Variants in ARHGEF26 observed in about 807,000 individuals in gnomAD.
ARHGEF26 encodes the protein Rho guanine nucleotide exchange factor (GEF) 26.
Under a neutral mutation model 89.4 loss-of-function variants are expected in ARHGEF26, and 59 were observed. The ratio of observed to expected loss-of-function variants is 0.66; its 90% CI spans 0.54 to 0.82. ARHGEF26 has a LOEUF of 0.82. ARHGEF26 is among the 40% of genes least tolerant of loss of function. The probability of loss-of-function intolerance (pLI) is 0.00; values close to 1 mark genes in which losing one functional copy is unlikely to be tolerated. For missense variants in ARHGEF26, 1,234 were observed against 1,085.6 expected (o/e 1.14, Z -1.92); for synonymous variants, 500 against 428.4 (o/e 1.17, Z -2.06).
At chr3:154,143,218 C>T (rs1719491564) in intron 4 of ARHGEF26, among the ~76,000 whole-genome samples, 1 of 152,176 alleles carries the variant, frequency 6.6e-6, no homozygotes. Context: ...TCTTTCTATT[C>T]AATCACTATT....
intron 12 of ARHGEF26, among the ~76,000 whole-genome samples, chr3:154,243,658 A>G (rs1008380149): frequency 6.6e-6 from 1 of 152,190 alleles, no homozygotes; most frequent in African/African-American, 2.4e-5. Context: ...TATTTAATTA[A>G]TAGCAAGAGA....
chr3:154,187,644 A>G (rs1277661163), intron 6 of ARHGEF26, 41 bp from the exon 7 acceptor site: 1 of 1,535,280 alleles, frequency 6.5e-7, no homozygotes, highest in Non-Finnish European at 8.8e-7. Context: ...GTTAGAGTGT[A>G]TGAAAGAAGT....
Position 154,122,454 on chromosome 3 carries a change from C to T in ARHGEF26, c.462C>T (p.Ala154=), listed in dbSNP as rs762141939. ...CCCCGCGGACTCCTAACGCGCCCGC[C>T]CCCTGCACCCCCGAGGAGGACCTTA... ...LRPPRTPNAP[A]PCTPEEDLTG... Residue 154 remains alanine, a synonymous_variant, in exon 2 of 15, where the codon GCC becomes GCT. Coordinates refer to ENST00000465093, the MANE Select transcript of ARHGEF26 (RefSeq NM_015595.4). 3.1e-6 allele frequency: 5 copies of T among 1,612,152 alleles called. No homozygotes were observed. The highest frequency in any genetic ancestry group is 2.2e-5 in the South Asian group (2 of 91,030).
chr3:154,131,480 T>C (rs532954215), intron 4 of ARHGEF26, among the ~76,000 whole-genome samples: 1 of 152,368 alleles, frequency 6.6e-6, no homozygotes, highest in Non-Finnish European at 1.5e-5. Flanking sequence ...TTAGCAGCCT[T>C]ATACCCTAAT....
chr3:154,232,272 G>A (rs1261438531), intron 11 of ARHGEF26, among the ~76,000 whole-genome samples: 1 of 152,140 alleles, frequency 6.6e-6, no homozygotes, highest in Non-Finnish European at 1.5e-5. Context: ...GGGCTTCCTG[G>A]CCCTTTTCTG....
chr3:154,168,147 G>T (rs1712164846), intron 6 of ARHGEF26, among the ~76,000 whole-genome samples: 1 of 152,134 alleles, frequency 6.6e-6, no homozygotes, highest in East Asian at 1.9e-4. Flanking sequence ...ATCCCATTCT[G>T]TAATTTACAG....
intron 6 of ARHGEF26, among the ~76,000 whole-genome samples, chr3:154,172,999 A>G (rs1384968813): frequency 6.6e-6 from 1 of 152,214 alleles, no homozygotes; most frequent in Admixed American, 6.5e-5. Flanking sequence ...CAATTTTCAC[A>G]TATGTCGTAG....
At chr3:154,244,968 G>A (rs1417563038) in intron 12 of ARHGEF26, among the ~76,000 whole-genome samples, 1 of 152,084 alleles carries the variant, frequency 6.6e-6, no homozygotes, top group East Asian at 1.9e-4. Context: ...GAAGTCAGTC[G>A]CTATTAACTG....
At chr3:154,137,858 T>C (rs2108067253) in intron 4 of ARHGEF26, among the ~76,000 whole-genome samples, 1 of 151,934 alleles carries the variant, frequency 6.6e-6, no homozygotes, top group East Asian at 1.9e-4. Context: ...ATTGGGACAT[T>C]TCAGATTAGA....
rs765989972 is a variant in ARHGEF26 at position 154,194,701 on chromosome 3, T to G, written c.1828T>G (p.Leu610Val). 218 of 1,612,434 alleles carry G rather than the reference T, an allele frequency of 1.4e-4. No individual in the cohort carries two copies. The highest frequency in any genetic ancestry group is 1.8e-4 in the Non-Finnish European group (215 of 1,179,334). ...GAAGTATGAAGTCTGCAAAAGAGCC[T>G]TGAAGGAAGTTAGCAAGGTAACTGT... Reference protein sequence around the residue: ...SPKYEVCKRALKEVSKLVRLC... With the variant: ...SPKYEVCKRAVKEVSKLVRLC... Residue 610 changes from leucine (L) to valine (V), a missense_variant, in exon 9 of 15, where the codon TTG becomes GTG. Leu to Val is a conservative substitution (Grantham distance 32). Transcript: ENST00000465093.
chr3:154,176,608 T>C (rs1223801586), intron 6 of ARHGEF26, among the ~76,000 whole-genome samples: 2 of 152,088 alleles, frequency 1.3e-5, no homozygotes, highest in African/African-American at 4.8e-5. Flanking sequence ...AGGCATAAAG[T>C]GGCTGAGATT....
chr3:154,227,684 G>A (rs1421036167), intron 11 of ARHGEF26, among the ~76,000 whole-genome samples: 2 of 152,156 alleles, frequency 1.3e-5, no homozygotes, highest in African/African-American at 2.4e-5. Context: ...TCTCCAGGAT[G>A]TTTTGTTTTT....
chr3:154,186,502 TGTAA>T (rs1347559041), intron 6 of ARHGEF26, among the ~76,000 whole-genome samples: 10 of 152,238 alleles, frequency 6.6e-5, no homozygotes, highest in Admixed American at 2.0e-4. Flanking sequence ...GGCTCACACC[TGTAA>T]TCCCAACACT....
chr3:154,141,226 A>G (rs1476714401), intron 4 of ARHGEF26, among the ~76,000 whole-genome samples: 3 of 152,044 alleles, frequency 2.0e-5, no homozygotes, highest in Non-Finnish European at 4.4e-5. Context: ...CGGCCTCCCA[A>G]AATGCCGGGA....
At chr3:154,130,609 A>C (rs1718629761) in intron 4 of ARHGEF26, among the ~76,000 whole-genome samples, 1 of 151,874 alleles carries the variant, frequency 6.6e-6, no homozygotes, top group South Asian at 2.1e-4. Flanking sequence ...TTTGTTTTTT[A>C]ACTGTATATT....
chr3:154,187,781 A>G lies in ARHGEF26; in HGVS notation c.1584A>G (p.Pro528=), dbSNP rs750717319. 1.1e-5 allele frequency: 18 copies of G among 1,612,094 alleles called. No individual in the cohort carries two copies. The highest frequency in any genetic ancestry group is 3.3e-4 in the Middle Eastern group (2 of 6,056). Residue 528 remains proline (P), a synonymous_variant, in exon 7 of 15, where the codon CCA becomes CCG. Transcript: ENST00000465093. ...AACACACAGCATCCACATTTGACCC[A>G]TATGTGAAATACTGCACAAATGAAG... ...VEKHTASTFD[P]YVKYCTNEVY...
rs1450192240 is a variant in ARHGEF26, at chr3:154,159,457, A to T, written c.1487+6525A>T. On this transcript the variant is annotated intron_variant, in intron 6 of 14. Coordinates refer to ENST00000465093, the MANE Select transcript of ARHGEF26 (RefSeq NM_015595.4). ...AACATATAATGAGCAGTGAATGCCA[A>T]ATTCTCTGGTTTCTGCTTTGTGTAG... Among the ~76,000 whole-genome samples the T allele has an allele frequency of 5.3e-5, 8 of 152,080 alleles. No individual in the cohort carries two copies. The East Asian group carries it at 1.5e-3, about 29-fold the overall frequency.
intron 14 of ARHGEF26, among the ~76,000 whole-genome samples, chr3:154,255,087 C>T (rs913544253): frequency 1.3e-5 from 2 of 152,094 alleles, no homozygotes; most frequent in African/African-American, 4.8e-5. Context: ...TTACCCAAAG[C>T]ATCTCCTTTC....
At chr3:154,215,494 T>A (rs986756296) in intron 9 of ARHGEF26, among the ~76,000 whole-genome samples, 2 of 147,704 alleles carry the variant, frequency 1.4e-5, no homozygotes, top group African/African-American at 2.5e-5. Flanking sequence ...CTAAATAAAC[T>A]TTTTTTTTTA....
Sources: gnomAD v4.1 joint callset for allele counts (sites outside exome capture counted in the v4.1 genomes callset) on GRCh38, gnomAD v4.1.1 for gene constraint, MANE v1.5 for transcripts, NCBI Gene and HGNC (gene_info 2026-07-23, HGNC 2026-07-21) for gene names.